Variants in GPC6 observed in about 807,000 individuals in gnomAD.
GPC6 encodes the protein glypican 6.
A neutral mutation model predicts 55.2 loss-of-function variants in GPC6; 14 were observed. The ratio of observed to expected loss-of-function variants is 0.25; its 90% CI spans 0.17 to 0.40. The LOEUF is 0.40. GPC6 is among the 10% of genes least tolerant of loss of function. The pLI is 1.00. For synonymous variants in GPC6, 278 were observed against 259.6 expected (o/e 1.07, Z -0.68); for missense variants, 641 against 708.5 (o/e 0.90, Z 1.08).
intron 1 of GPC6, among the ~76,000 whole-genome samples, chr13:93,489,210 A>C (rs1337419716): frequency 6.6e-6 from 1 of 151,406 alleles, no homozygotes; most frequent in Non-Finnish European, 1.5e-5. Flanking sequence ...TTTCCCAGTG[A>C]CATTTACTAA....
intron 1 of GPC6, among the ~76,000 whole-genome samples, chr13:93,276,485 AGAGAGAGAGAGTGTGTGT>A (rs1402167188): frequency 1.2e-4 from 16 of 135,110 alleles, no homozygotes; most frequent in South Asian, 2.4e-4. Flanking sequence ...AGAGAGAGAG[AGAGAGAGAGAGTGTGTGT>A]GTGTGTGTGT....
chr13:94,111,838 A>C (rs1886260834), intron 4 of GPC6, among the ~76,000 whole-genome samples: 1 of 152,122 alleles, frequency 6.6e-6, no homozygotes, highest in South Asian at 2.1e-4. Context: ...ATTCCCTTTG[A>C]AAAAGGAAGA....
At chr13:93,372,855 G>T (rs1365206183) in intron 1 of GPC6, among the ~76,000 whole-genome samples, 2 of 152,138 alleles carry the variant, frequency 1.3e-5, no homozygotes, top group East Asian at 3.8e-4. Flanking sequence ...CATATAATGA[G>T]AAAATTGTTC....
chr13:93,558,227 G>A (rs2139454480), intron 2 of GPC6, among the ~76,000 whole-genome samples: 1 of 152,314 alleles, frequency 6.6e-6, no homozygotes, highest in African/African-American at 2.4e-5. Context: ...CATAAGTCTA[G>A]CAAAGAGTGC....
chr13:93,804,503 A>T (rs1886481447), intron 2 of GPC6, among the ~76,000 whole-genome samples: 2 of 152,310 alleles, frequency 1.3e-5, no homozygotes, highest in Admixed American at 6.5e-5. Context: ...CCTCCAGAAC[A>T]TTTTAATTTT....
intron 1 of GPC6, among the ~76,000 whole-genome samples, chr13:93,518,858 G>A (rs912717766): frequency 2.0e-5 from 3 of 151,980 alleles, no homozygotes; most frequent in Middle Eastern, 3.2e-3. Context: ...TAAGACATCA[G>A]TATAAAAGAA....
At chr13:94,075,117 C>T (rs1397796725) in intron 4 of GPC6, among the ~76,000 whole-genome samples, 1 of 152,146 alleles carries the variant, frequency 6.6e-6, no homozygotes, top group Non-Finnish European at 1.5e-5. Context: ...TAGCTATACA[C>T]AATCATCTGC....
chr13:93,335,500 G>C (rs934157772), intron 1 of GPC6, among the ~76,000 whole-genome samples: 1 of 152,150 alleles, frequency 6.6e-6, no homozygotes, highest in African/African-American at 2.4e-5. Context: ...ATCTAATAGA[G>C]ACGAGCTTCA....
At chr13:93,481,192 T>A (rs1258506474) in intron 1 of GPC6, among the ~76,000 whole-genome samples, 3 of 152,192 alleles carry the variant, frequency 2.0e-5, no homozygotes. Context: ...TGGCTGACAA[T>A]TTTGAGCATT....
upstream of GPC6, among the ~76,000 whole-genome samples, chr13:93,222,076 T>C (rs1875642003): frequency 6.6e-6 from 1 of 152,152 alleles, no homozygotes. Flanking sequence ...TACTTCAGAG[T>C]TATTATTTGA....
chr13:93,560,022 C>T (rs1875686923), intron 2 of GPC6, among the ~76,000 whole-genome samples: 1 of 152,084 alleles, frequency 6.6e-6, no homozygotes, highest in African/African-American at 2.4e-5. Context: ...TAATGCTGTG[C>T]CTTCGCTGCA....
chr13:93,523,248 C>A (rs1429377725), intron 1 of GPC6, among the ~76,000 whole-genome samples: 3 of 147,926 alleles, frequency 2.0e-5, no homozygotes, highest in Non-Finnish European at 4.5e-5. Flanking sequence ...TGTACATATA[C>A]ACATATATGG....
At chr13:93,336,934 T>C (rs548455478) in intron 1 of GPC6, among the ~76,000 whole-genome samples, 1 of 152,318 alleles carries the variant, frequency 6.6e-6, no homozygotes, top group East Asian at 1.9e-4. Context: ...ATGTTCAAGC[T>C]GACAAATGCT....
intron 4 of GPC6, among the ~76,000 whole-genome samples, chr13:94,182,117 A>G (rs1889017191): frequency 6.6e-6 from 1 of 152,226 alleles, no homozygotes; most frequent in African/African-American, 2.4e-5. Flanking sequence ...GTTGTGTGGT[A>G]ACAAGGCAGG....
At chr13:93,435,173 G>T (rs975491820) in intron 1 of GPC6, among the ~76,000 whole-genome samples, 1 of 152,114 alleles carries the variant, frequency 6.6e-6, no homozygotes, top group Non-Finnish European at 1.5e-5. Context: ...GGAGTGCAGT[G>T]GTGCAGCCAT....
At chr13:93,590,438 CAAATAATAGCTT>C (rs1371549537) in intron 2 of GPC6, among the ~76,000 whole-genome samples, 2 of 152,036 alleles carry the variant, frequency 1.3e-5, no homozygotes, top group Non-Finnish European at 2.9e-5. Flanking sequence ...AGTATAACTA[CAAATAATAGCTT>C]TCTATTGTTT....
At chr13:93,784,656 G>T (rs962989866) in intron 2 of GPC6, among the ~76,000 whole-genome samples, 1 of 152,178 alleles carries the variant, frequency 6.6e-6, no homozygotes, top group Non-Finnish European at 1.5e-5. Flanking sequence ...ACTGTTGGGT[G>T]TCTTTAAAAG....
chr13:93,222,122 C>T (rs1360849642), upstream of GPC6, among the ~76,000 whole-genome samples: 1 of 152,170 alleles, frequency 6.6e-6, no homozygotes, highest in African/African-American at 2.4e-5. Flanking sequence ...GTTTTACTTA[C>T]ATGAGATAGG....
intron 4 of GPC6, among the ~76,000 whole-genome samples, chr13:94,059,082 GT>G (rs559810366): frequency 2.7e-4 from 40 of 146,490 alleles, no homozygotes; most frequent in African/African-American, 5.7e-4. Flanking sequence ...TATTTATAGA[GT>G]TTTTTTTTTT....
Sources: gnomAD v4.1 joint callset for allele counts (sites outside exome capture counted in the v4.1 genomes callset) on GRCh38, gnomAD v4.1.1 for gene constraint, MANE v1.5 for transcripts, NCBI Gene and HGNC (gene_info 2026-07-23, HGNC 2026-07-21) for gene names.